Variants in SHC2 observed in about 807,000 individuals in gnomAD.
SHC2 encodes SHC adaptor protein 2.
SHC2 carries 62 observed loss-of-function variants against 60.6 expected under a neutral mutation model. The observed-to-expected ratio is 1.02, with a 90% CI of 0.83 to 1.26. The LOEUF (loss-of-function observed/expected upper bound fraction) is 1.26. Among genes scored for constraint, SHC2 ranks in the 50% most tolerant of loss-of-function variants. SHC2 has a pLI of 0.00. For synonymous variants in SHC2, 375 were observed against 372.4 expected (o/e 1.01, Z -0.08); for missense variants, 873 against 822.2 (o/e 1.06, Z -0.76).
chr19:434,878 C>A lies in SHC2; in HGVS notation c.954-13G>T. 6.2e-7 allele frequency: 1 copy of A among 1,606,582 alleles called. No individual in the cohort carries two copies. Among genetic ancestry groups the A allele is most frequent in the Non-Finnish European group, 8.5e-7 (1 of 1,178,942 alleles). ...CGGCCCTGCCAGCCTGGGGGACAGA[C>A]AACAACGGCCATGGCACAGGCAGGG... is the stretch of plus-strand genomic sequence containing the variant. On this transcript the variant is annotated splice_polypyrimidine_tract_variant and intron_variant, in intron 7 of 12. Coordinates refer to ENST00000264554, the MANE Select transcript of SHC2 (RefSeq NM_012435.3).
rs1975529180 is a variant in SHC2, at chr19:460,700, A to C, written c.297T>G (p.Cys99Trp). ...APCPLPALSR[C>W]RGAGSRGSRG... is the part of the protein sequence containing the mutation. ...GCGACCCCCGCGACCCCGCGCCCCG[A>C]CAGCGGCTGAGCGCGGGCAGGGGAC... Residue 99 changes from cysteine to tryptophan, a missense_variant, in exon 1 of 13, where the codon TGT becomes TGG. Coordinates refer to ENST00000264554, the MANE Select transcript of SHC2 (RefSeq NM_012435.3). 9.9e-7 allele frequency: 1 copy of C among 1,012,510 alleles called. No homozygotes were observed. The highest frequency in any genetic ancestry group is 1.2e-6 in the Non-Finnish European group (1 of 852,114). 62.7% of individuals were successfully genotyped at this position (1,012,510 alleles called of 1,614,324 possible).
intron 4 of SHC2, among the ~76,000 whole-genome samples, chr19:437,140 A>G (rs1264953529): frequency 6.6e-6 from 1 of 152,180 alleles, no homozygotes; most frequent in African/African-American, 2.4e-5. Context: ...GCTTATCTGC[A>G]TGCTCATTTG....
At position 430,769 on chromosome 19, in the gene SHC2, G is replaced by T. The variant is rs566947858; in HGVS notation, c.1111-22C>A. 2.8e-4 allele frequency: 459 copies of T among 1,610,556 alleles called. 4 individuals carry two copies. In the South Asian group the frequency reaches 4.7e-3, roughly 17 times the overall value. ...GGCCCTGGAAACAGAGCAGTGAGAGGTTCCCCGGTGTGTGCAAGCCCCTCT... is the reference window on the plus strand; with the variant it reads ...GGCCCTGGAAACAGAGCAGTGAGAGTTTCCCCGGTGTGTGCAAGCCCCTCT... On this transcript the variant is annotated intron_variant, in intron 8 of 12. Coordinates refer to ENST00000264554, the MANE Select transcript of SHC2 (RefSeq NM_012435.3).
intron 9 of SHC2, among the ~76,000 whole-genome samples, chr19:427,650 A>G (rs1434490883): frequency 1.7e-4 from 13 of 78,674 alleles, no homozygotes; most frequent in African/African-American, 7.0e-4. Flanking sequence ...GGGACGGCGC[A>G]CAGCACACGG....
At position 445,955 on chromosome 19, in the gene SHC2, T is replaced by C. The variant is rs1036021050; in HGVS notation, c.469-5023A>G. The stretch of plus-strand genomic sequence containing the variant: ...CTGTAATCCCAGCTACTTGGGAGGC[T>C]GAGGCAGGAGAATCATTTGAACCCA... On this transcript the variant is annotated intron_variant, in intron 1 of 12. Coordinates refer to ENST00000264554, the MANE Select transcript of SHC2 (RefSeq NM_012435.3). This position sits in a 1 kb window ranked among gnomAD's most constrained non-coding sequence, Gnocchi z 4.4. Among the ~76,000 whole-genome samples, 2 of 151,704 alleles carry C rather than the reference T, an allele frequency of 1.3e-5. No homozygotes were observed. Among genetic ancestry groups the C allele is most frequent in the African/African-American group, 4.8e-5 (2 of 41,242 alleles).
rs1974763843 is a variant in SHC2 at position 438,043 on chromosome 19, A to G, written c.720+675T>C. On this transcript the variant is annotated intron_variant, in intron 4 of 12. Coordinates refer to ENST00000264554, the MANE Select transcript of SHC2 (RefSeq NM_012435.3). The surrounding 1 kb of genome is among the most constrained non-coding windows in gnomAD (Gnocchi z 5.0). Reference sequence around the variant, plus strand: ...TCTGTTGCCCAGGCTGGAGTGCAGTAGTGCAATCTTGGCTCACTGCAACCT... The same window carrying G: ...TCTGTTGCCCAGGCTGGAGTGCAGTGGTGCAATCTTGGCTCACTGCAACCT... Among the ~76,000 whole-genome samples, 1 of 152,074 alleles carries G rather than the reference A, an allele frequency of 6.6e-6. No homozygotes were observed.
chr19:435,199 G>A (rs1249868303), intron 7 of SHC2, among the ~76,000 whole-genome samples: 1 of 152,236 alleles, frequency 6.6e-6, no homozygotes, highest in Non-Finnish European at 1.5e-5. Context: ...GACATCACCG[G>A]TCAGGGTGGC....
intron 1 of SHC2, among the ~76,000 whole-genome samples, chr19:447,078 ATATC>A (rs1390277555): frequency 6.6e-6 from 1 of 152,234 alleles, no homozygotes; most frequent in Non-Finnish European, 1.5e-5. Flanking sequence ...AACAACTAAA[ATATC>A]TATCAACGGA....
In SHC2 at chr19:436,373, G is replaced by A. The variant is rs1335869091; in HGVS notation, c.826+7C>T. 2.5e-6 allele frequency: 4 copies of A among 1,595,496 alleles called. No individual in the cohort carries two copies. The highest frequency in any genetic ancestry group is 1.3e-5 in the African/African-American group (1 of 74,602). ...AGGACCCCCACCGGCCTCCCCGGGGGCCTCACCTCTCTGGTTGATGGGGTC... is the reference window on the plus strand; with the variant it reads ...AGGACCCCCACCGGCCTCCCCGGGGACCTCACCTCTCTGGTTGATGGGGTC... On this transcript the variant is annotated splice_region_variant and intron_variant, in intron 6 of 12. Transcript: ENST00000264554.
At chr19:449,771 A>G (rs1222863271) in intron 1 of SHC2, among the ~76,000 whole-genome samples, 2 of 152,172 alleles carry the variant, frequency 1.3e-5, no homozygotes, top group Non-Finnish European at 1.5e-5. Flanking sequence ...CAATAATGAT[A>G]ATAATAATAA....
Position 436,445 on chromosome 19 carries a change from G to C in SHC2, c.775-14C>G, listed in dbSNP as rs368327368. 1 of 1,602,066 alleles carries C rather than the reference G, an allele frequency of 6.2e-7. No homozygotes were observed. The highest frequency in any genetic ancestry group is 2.2e-5 in the East Asian group (1 of 44,714). On this transcript the variant is annotated splice_polypyrimidine_tract_variant and intron_variant, in intron 5 of 12. Transcript: ENST00000264554. Reference sequence around the variant, plus strand: ...ATCCGTCATGTCCTGGGGGCGGGGAGGGGCCAGCTGGACCTGCCTGGGCCC... The same window carrying C: ...ATCCGTCATGTCCTGGGGGCGGGGACGGGCCAGCTGGACCTGCCTGGGCCC...
At chr19:429,606 G>A (rs1168062632) in intron 9 of SHC2, among the ~76,000 whole-genome samples, 1 of 143,932 alleles carries the variant, frequency 6.9e-6, no homozygotes, top group Non-Finnish European at 1.5e-5. Context: ...AACATGCAGA[G>A]AAACCTAATA....
intron 1 of SHC2, among the ~76,000 whole-genome samples, chr19:455,477 G>T (rs531644864): frequency 6.6e-6 from 1 of 152,246 alleles, no homozygotes; most frequent in Non-Finnish European, 1.5e-5. Flanking sequence ...CATTTGCACC[G>T]ATGCTGCCCA....
Position 460,898 on chromosome 19 carries a change from C to A in SHC2, c.99G>T (p.Pro33=), listed in dbSNP as rs1453558580. The A allele has an allele frequency of 1.7e-5, 17 of 991,242 alleles. No homozygotes were observed. The highest frequency in any genetic ancestry group is 4.8e-6 in the Non-Finnish European group (4 of 835,210). The allele number at this position is 991,242 out of a possible 1,614,324, so 61.4% of individuals were successfully genotyped here. A position where few individuals can be genotyped will look rare whatever the true frequency, so the allele number is the denominator to read the frequency against. Residue 33 remains proline, a synonymous_variant, in exon 1 of 13, where the codon CCG becomes CCT. Coordinates refer to ENST00000264554, the MANE Select transcript of SHC2 (RefSeq NM_012435.3). ...TTFCALLPRM[P]QWKFAAPGGF... ...CGCCCGGGGCCGCGAACTTCCACTGCGGCATTCGGGGCAGCAACGCGCAGA... is the reference window on the plus strand; with the variant it reads ...CGCCCGGGGCCGCGAACTTCCACTGAGGCATTCGGGGCAGCAACGCGCAGA...
At chr19:450,255 C>T (rs1975148020) in intron 1 of SHC2, among the ~76,000 whole-genome samples, 1 of 152,238 alleles carries the variant, frequency 6.6e-6, no homozygotes, top group Non-Finnish European at 1.5e-5. Flanking sequence ...GAAAGCCTTC[C>T]ATGACTGCCA....
At chr19:429,468 T>C (rs189122708) in intron 9 of SHC2, among the ~76,000 whole-genome samples, 61 of 129,782 alleles carry the variant, frequency 4.7e-4, no homozygotes, top group African/African-American at 1.2e-3. Flanking sequence ...AGAAACCTAA[T>C]ACCGTGTGGA....
At chr19:439,071 T>C in intron 2 of SHC2, 41 bp from the exon 3 acceptor site, 1 of 979,146 alleles carries the variant, frequency 1.0e-6, no homozygotes, top group South Asian at 2.0e-5. Context: ...GTGGTGGGGG[T>C]GGCCATGGAG....
At chr19:435,597 C>T (rs527765332) in intron 7 of SHC2, among the ~76,000 whole-genome samples, 4 of 152,364 alleles carry the variant, frequency 2.6e-5, no homozygotes, top group African/African-American at 4.8e-5. Context: ...TTAAATAGCT[C>T]CTTCTCCAAG....
Position 425,286 on chromosome 19 carries a change from C to T in SHC2, c.1175-55G>A, listed in dbSNP as rs928520337. 2.3e-6 allele frequency: 3 copies of T among 1,292,776 alleles called. No individual in the cohort carries two copies. The highest frequency in any genetic ancestry group is 2.8e-5 in the East Asian group (1 of 35,302). 80.1% of individuals were successfully genotyped at this position (1,292,776 alleles called of 1,614,324 possible). On this transcript the variant is annotated intron_variant, in intron 9 of 12. Transcript: ENST00000264554. The surrounding 1 kb of genome is among the most constrained non-coding windows in gnomAD (Gnocchi z 4.1). ...AGCTGGGAGCCAGGCGAGGGGCTCG[C>T]AGGGAGCAAGGCGGGGTCCCACGAG... is the stretch of plus-strand genomic sequence containing the variant.
Sources: gnomAD v4.1 joint callset for allele counts (sites outside exome capture counted in the v4.1 genomes callset) on GRCh38, gnomAD v4.1.1 for gene constraint, Gnocchi (gnomAD v3.1) non-coding constraint, MANE v1.5 for transcripts, NCBI Gene and HGNC (gene_info 2026-07-23, HGNC 2026-07-21) for gene names.